RASEF: variants seen among roughly 807,000 people sequenced by gnomAD.
RASEF encodes ras and EF-hand domain-containing protein.
Under a neutral mutation model 90.1 loss-of-function variants are expected in RASEF, and 68 were observed. The observed-to-expected ratio is 0.75, with a 90% confidence interval of 0.62 to 0.92. RASEF has a LOEUF of 0.92. RASEF is among the 40% of genes least tolerant of loss of function. RASEF has a pLI of 0.00. For synonymous variants in RASEF, 331 were observed against 345.2 expected (o/e 0.96, Z 0.46); for missense variants, 949 against 937.2 (o/e 1.01, Z -0.16).
At chr9:83,187,940 T>C in the RASEF span, among the ~76,000 whole-genome samples, 1 of 152,224 alleles carries the variant, frequency 6.6e-6, no homozygotes, top group Non-Finnish European at 1.5e-5. Flanking sequence ...TCTCCAAGGC[T>C]GACTTCCTTC....
At chr9:83,100,758 C>T in the RASEF span, among the ~76,000 whole-genome samples, 2 of 152,108 alleles carry the variant, frequency 1.3e-5, no homozygotes, top group South Asian at 4.1e-4. Context: ...ACTTCTGACA[C>T]AGGGAAGAGA....
chr9:83,166,546 G>A, the RASEF span, among the ~76,000 whole-genome samples: 1 of 152,138 alleles, frequency 6.6e-6, no homozygotes, highest in Admixed American at 6.6e-5. Context: ...CCACGCTGAC[G>A]TAGAACCCAG....
chr9:83,196,862 C>T, the RASEF span, among the ~76,000 whole-genome samples: 1 of 152,234 alleles, frequency 6.6e-6, no homozygotes, highest in Non-Finnish European at 1.5e-5. Flanking sequence ...AAGCTAACTG[C>T]AGACATGAAA....
chr9:83,137,871 G>A, the RASEF span, among the ~76,000 whole-genome samples: 85 of 151,734 alleles, frequency 5.6e-4, no homozygotes, highest in African/African-American at 1.9e-3. Flanking sequence ...GATGGATGTG[G>A]GTTAAGCTCT....
chr9:83,036,446 G>A (rs1246886467), intron 1 of RASEF, among the ~76,000 whole-genome samples: 1 of 152,242 alleles, frequency 6.6e-6, no homozygotes, highest in Admixed American at 6.5e-5. Flanking sequence ...AGTTGGATAG[G>A]CCTGCCTCAG....
At chr9:83,203,885 C>T in the RASEF span, among the ~76,000 whole-genome samples, 7 of 152,242 alleles carry the variant, frequency 4.6e-5, no homozygotes, top group South Asian at 2.1e-4. Flanking sequence ...ACACTCAGAA[C>T]GCAAAACACA....
At chr9:83,044,581 A>C (rs1829896136) in intron 1 of RASEF, among the ~76,000 whole-genome samples, 1 of 152,096 alleles carries the variant, frequency 6.6e-6, no homozygotes, top group Non-Finnish European at 1.5e-5. Flanking sequence ...AGGCATTTGG[A>C]AGGTGGGGGA....
the RASEF span, among the ~76,000 whole-genome samples, chr9:83,168,675 G>A: frequency 6.6e-6 from 1 of 152,048 alleles, no homozygotes; most frequent in Admixed American, 6.6e-5. Context: ...TATTTCTCAA[G>A]AGAAGGCATA....
intron 4 of RASEF, among the ~76,000 whole-genome samples, chr9:83,014,996 CAAACT>C (rs1450278606): frequency 6.6e-6 from 1 of 152,152 alleles, no homozygotes; most frequent in Admixed American, 6.5e-5. Flanking sequence ...AACAAACAAA[CAAACT>C]AATCACATCT....
the RASEF span, among the ~76,000 whole-genome samples, chr9:83,117,986 G>T: frequency 1.4e-3 from 219 of 152,250 alleles, no homozygotes; most frequent in African/African-American, 4.7e-3. Context: ...GTAATTTTCT[G>T]CTTGTTAGTA....
chr9:82,993,176 C>G (rs979011805), intron 14 of RASEF, 151 bp from the exon 15 acceptor site: 1 of 730,538 alleles, frequency 1.4e-6, no homozygotes, highest in Non-Finnish European at 2.2e-6. Flanking sequence ...CAAAGTATCT[C>G]TAAAAACAGC....
chr9:83,018,792 T>C (rs1587499419), intron 3 of RASEF, among the ~76,000 whole-genome samples: 1 of 151,986 alleles, frequency 6.6e-6, no homozygotes, highest in Non-Finnish European at 1.5e-5. Context: ...ATCAAGACAA[T>C]GTAATATTGG....
intron 1 of RASEF, among the ~76,000 whole-genome samples, chr9:83,053,001 T>G (rs1324908752): frequency 8.3e-6 from 1 of 120,350 alleles, no homozygotes; most frequent in Non-Finnish European, 1.7e-5. Flanking sequence ...GGTGTGGTGC[T>G]GAAAAAAATG....
At chr9:83,017,716 A>T (rs1180898085) in intron 3 of RASEF, among the ~76,000 whole-genome samples, 2 of 152,226 alleles carry the variant, frequency 1.3e-5, no homozygotes, top group Non-Finnish European at 2.9e-5. Flanking sequence ...GGAGACCAGA[A>T]TTTGCCTGAC....
At chr9:83,080,941 G>A in the RASEF span, among the ~76,000 whole-genome samples, 4 of 152,206 alleles carry the variant, frequency 2.6e-5, no homozygotes, top group South Asian at 8.3e-4. Context: ...AGCAATATGA[G>A]TTTATGTACA....
chr9:83,146,751 T>C, the RASEF span, among the ~76,000 whole-genome samples: 1 of 152,166 alleles, frequency 6.6e-6, no homozygotes, highest in Non-Finnish European at 1.5e-5. Flanking sequence ...TTTCCCACCA[T>C]TACAAATCCT....
At chr9:83,012,825 T>C (rs541919831) in intron 4 of RASEF, among the ~76,000 whole-genome samples, 1 of 152,346 alleles carries the variant, frequency 6.6e-6, no homozygotes, top group East Asian at 1.9e-4. Flanking sequence ...TACATTAGAA[T>C]CTGGATCTTT....
At chr9:83,074,623 C>T in the RASEF span, among the ~76,000 whole-genome samples, 2 of 152,212 alleles carry the variant, frequency 1.3e-5, no homozygotes, top group African/African-American at 4.8e-5. Context: ...TTTCAGTGTC[C>T]ATAAAGCTTT....
In RASEF at chr9:83,000,577, T is replaced by C; in HGVS notation, c.1438-7A>G. ...CATCCCTTATGTCAGGAACCTATTT[T>C]TTTTAAAATGTCAGCAGTTAAATTA... On this transcript the variant is annotated splice_region_variant and splice_polypyrimidine_tract_variant and intron_variant, in intron 10 of 16. Transcript: ENST00000376447. The C allele has an allele frequency of 6.3e-7, 1 of 1,582,550 alleles. No homozygotes were observed. Among genetic ancestry groups the C allele is most frequent in the South Asian group, 1.2e-5 (1 of 86,716 alleles).
Sources: gnomAD v4.1 joint callset for allele counts (sites outside exome capture counted in the v4.1 genomes callset) on GRCh38, gnomAD v4.1.1 for gene constraint, MANE v1.5 for transcripts, NCBI Gene and HGNC (gene_info 2026-07-23, HGNC 2026-07-21) for gene names.